HTR6: variants seen among roughly 807,000 people sequenced by gnomAD.
HTR6 encodes the protein 5-hydroxytryptamine (serotonin) receptor 6, G protein-coupled.
In HTR6, 15 loss-of-function variants were observed where a neutral mutation model predicts 17.4. The observed-to-expected ratio is 0.86, with a 90% confidence interval of 0.58 to 1.33. The LOEUF (loss-of-function observed/expected upper bound fraction) is 1.33. HTR6 is among the 40% of genes most tolerant of loss of function. The pLI, the probability that HTR6 is intolerant of heterozygous loss-of-function variation, is 0.00. For synonymous variants in HTR6, 326 were observed against 295.5 expected (o/e 1.10, Z -1.06); for missense variants, 578 against 616.0 (o/e 0.94, Z 0.65).
rs1433269811 is a variant in HTR6 at position 19,680,733 on chromosome 1, C to A, written c.*1365C>A. Among the ~76,000 whole-genome samples, 1 of 152,132 alleles carries A rather than the reference C, an allele frequency of 6.6e-6. No homozygotes were observed. The highest frequency in any genetic ancestry group is 1.5e-5 in the Non-Finnish European group (1 of 68,020). ...TTTCTGGGGGCAGGGGGTTGGGGAACTCTTGGTCGCCAGTTTACCTGCCAT... is the reference window on the plus strand; with the variant it reads ...TTTCTGGGGGCAGGGGGTTGGGGAAATCTTGGTCGCCAGTTTACCTGCCAT... On this transcript the variant is annotated 3_prime_UTR_variant, in exon 3 of 3. Transcript: ENST00000289753.
Position 19,678,738 on chromosome 1 carries a change from C to G in HTR6, c.873+13C>G. ...CAACATAGTCCAGGTAATGCCACGG[C>G]AGGGGGCAGGTGAGTCCGGCCCTTG... On this transcript the variant is annotated intron_variant, in intron 2 of 2. Transcript: ENST00000289753. 1 of 1,602,940 alleles carries G rather than the reference C, an allele frequency of 6.2e-7. No individual in the cohort carries two copies. Among genetic ancestry groups the G allele is most frequent in the Non-Finnish European group, 8.5e-7 (1 of 1,171,670 alleles).
chr1:19,665,898 G>A lies in HTR6; in HGVS notation c.145G>A (p.Ala49Thr), dbSNP rs1394622790. 1 of 1,611,532 alleles carries A rather than the reference G, an allele frequency of 6.2e-7. No individual in the cohort carries two copies. Among genetic ancestry groups the A allele is most frequent in the Admixed American group, 1.7e-5 (1 of 59,848 alleles). ...LTAAANSLLI[A>T]LICTQPALRN... ...GGCGGCGGCCAACTCGCTGCTGATC[G>A]CGCTCATCTGCACTCAGCCCGCGCT... Residue 49 changes from alanine to threonine, a missense_variant, in exon 1 of 3, where the codon GCG (alanine) becomes ACG (threonine). Coordinates refer to ENST00000289753, the MANE Select transcript of HTR6 (RefSeq NM_000871.3). The surrounding 1 kb of genome is among the most constrained non-coding windows in gnomAD (Gnocchi z 4.2).
In HTR6 at chr1:19,679,682, A is replaced by C; in HGVS notation, c.*314A>C. The C allele has an allele frequency of 2.9e-6, 1 of 349,406 alleles. No homozygotes were observed. Among genetic ancestry groups the C allele is most frequent in the Non-Finnish European group, 5.2e-6 (1 of 192,942 alleles). The allele number at this position is 349,406 out of a possible 1,614,324, so 21.6% of individuals were successfully genotyped here. On this transcript the variant is annotated 3_prime_UTR_variant, in exon 3 of 3. Coordinates refer to ENST00000289753, the MANE Select transcript of HTR6 (RefSeq NM_000871.3). The surrounding 1 kb of genome is among the most constrained non-coding windows in gnomAD (Gnocchi z 4.9). The stretch of plus-strand genomic sequence containing the variant: ...GGTTCAGGTTAGGATGAAAACAATC[A>C]TGACCTTTGCCCATTCTGTCAGGCT...
chr1:19,668,533 T>G (rs2095084288), intron 1 of HTR6, among the ~76,000 whole-genome samples: 1 of 152,192 alleles, frequency 6.6e-6, no homozygotes, highest in South Asian at 2.1e-4. Context: ...TGCGGATATC[T>G]TCCTTAATGC....
chr1:19,665,619 A>T lies in HTR6; in HGVS notation c.-135A>T. The T allele has an allele frequency of 1.6e-6, 1 of 617,500 alleles. No homozygotes were observed. Among genetic ancestry groups the T allele is most frequent in the Non-Finnish European group, 2.7e-6 (1 of 364,636 alleles). 38.3% of individuals were successfully genotyped at this position (617,500 alleles called of 1,614,324 possible). ...CCAGCGCCCCCGCCCATGTCCCCCC[A>T]CTCACCTCCCCCGGGGGGCGTGGTG... On this transcript the variant is annotated 5_prime_UTR_variant, in exon 1 of 3. Transcript: ENST00000289753. The surrounding 1 kb of genome is among the most constrained non-coding windows in gnomAD (Gnocchi z 4.2).
chr1:19,679,168 C>A lies in HTR6; in HGVS notation c.1123C>A (p.Pro375Thr), dbSNP rs8192533. The A allele has an allele frequency of 2.3e-3, 3,747 of 1,595,050 alleles. 10 individuals carry two copies. The highest frequency in any genetic ancestry group is 2.8e-3 in the Non-Finnish European group (3,330 of 1,172,970). ...SLQQVLPLPL[P>T]PDSDSDSDAG... The stretch of plus-strand genomic sequence containing the variant: ...ACAGCAGGTGCTGCCGCTGCCCCTG[C>A]CGCCGGACTCAGATTCGGACTCAGA... The change falls in exon 3 of 3, where the codon CCG (proline) becomes ACG (threonine). Residue 375 changes from proline (P) to threonine (T), a missense_variant. Physicochemically the swap from Pro to Thr is conservative, Grantham distance 38. Transcript: ENST00000289753. The surrounding 1 kb of genome is among the most constrained non-coding windows in gnomAD (Gnocchi z 4.9).
In HTR6 at chr1:19,679,178, C is replaced by G; in HGVS notation, c.1133C>G (p.Ser378Ter). 6.3e-7 allele frequency: 1 copy of G among 1,589,216 alleles called. No homozygotes were observed. The highest frequency in any genetic ancestry group is 8.5e-7 in the Non-Finnish European group (1 of 1,170,074). Residue 378 changes from serine to a stop codon, truncating the protein, a stop_gained, in exon 3 of 3, where the codon TCA becomes TGA. Coordinates refer to ENST00000289753, the MANE Select transcript of HTR6 (RefSeq NM_000871.3). LOFTEE classifies it low-confidence loss of function (END_TRUNC). This position sits in a 1 kb window ranked among gnomAD's most constrained non-coding sequence, Gnocchi z 4.9. ...QVLPLPLPPD[S>*]DSDSDAGSGG... ...CTGCCGCTGCCCCTGCCGCCGGACT[C>G]AGATTCGGACTCAGACGCAGGCTCA...
At chr1:19,670,467 C>CT (rs34145209) in intron 1 of HTR6, among the ~76,000 whole-genome samples, 11,684 of 137,598 alleles carry the variant, frequency 0.085, 859 homozygotes, top group African/African-American at 0.19. Flanking sequence ...GTTTTTCTGC[C>CT]TTTTTTTTTT....
In HTR6 at chr1:19,669,928, G is replaced by T. The variant is rs753346633; in HGVS notation, c.714+3461G>T. On this transcript the variant is annotated intron_variant, in intron 1 of 2. Coordinates refer to ENST00000289753, the MANE Select transcript of HTR6 (RefSeq NM_000871.3). ...TGGGATTACAGGCGTGAGCCACTGC[G>T]CCTGGCCCTGACTTCCTGATTCCGC... 1.3e-5 allele frequency among the ~76,000 whole-genome samples: 2 copies of T among 151,888 alleles called. 1 individual carries two copies. Among genetic ancestry groups the T allele is most frequent in the South Asian group, 4.2e-4 (2 of 4,808 alleles).
At chr1:19,667,063 C>T (rs1176931141) in intron 1 of HTR6, among the ~76,000 whole-genome samples, 2 of 152,138 alleles carry the variant, frequency 1.3e-5, no homozygotes, top group East Asian at 3.9e-4. Flanking sequence ...AGGATCTGGC[C>T]TCAGGATCCC....
intron 1 of HTR6, among the ~76,000 whole-genome samples, chr1:19,668,163 T>C (rs2095083823): frequency 6.6e-6 from 1 of 152,196 alleles, no homozygotes; most frequent in Admixed American, 6.5e-5. Flanking sequence ...TCTTGAGTCT[T>C]GGCAGGTGGC....
rs2095101250 is a variant in HTR6 at position 19,680,713 on chromosome 1, G to T, written c.*1345G>T. 6.6e-6 allele frequency among the ~76,000 whole-genome samples: 1 copy of T among 152,164 alleles called. No individual in the cohort carries two copies. The highest frequency in any genetic ancestry group is 2.1e-4 in the South Asian group (1 of 4,826). Reference sequence around the variant, plus strand: ...CTCTGGCACAGGGGCCTTGGTTTCTGGGGGCAGGGGGTTGGGGAACTCTTG... The same window carrying T: ...CTCTGGCACAGGGGCCTTGGTTTCTTGGGGCAGGGGGTTGGGGAACTCTTG... On this transcript the variant is annotated 3_prime_UTR_variant, in exon 3 of 3. Transcript: ENST00000289753.
chr1:19,679,218 C>T lies in HTR6; in HGVS notation c.1173C>T (p.Gly391=). The change falls in exon 3 of 3, where the codon GGC becomes GGT. Residue 391 remains glycine, a synonymous_variant. Transcript: ENST00000289753. This position sits in a 1 kb window ranked among gnomAD's most constrained non-coding sequence, Gnocchi z 4.9. ...DSDAGSGGSS[G]LRLTAQLLLP... is the part of the protein sequence containing the mutation. ...ACGCAGGCTCAGGCGGCTCCTCGGG[C>T]CTGCGGCTCACGGCCCAGCTGCTGC... is the stretch of plus-strand genomic sequence containing the variant. 1.3e-6 allele frequency: 2 copies of T among 1,569,440 alleles called. No individual in the cohort carries two copies. The highest frequency in any genetic ancestry group is 1.2e-5 in the South Asian group (1 of 86,918).
At chr1:19,672,351 A>G (rs2095089232) in intron 1 of HTR6, among the ~76,000 whole-genome samples, 1 of 150,608 alleles carries the variant, frequency 6.6e-6, no homozygotes, top group South Asian at 2.1e-4. Context: ...CTCTCACCCA[A>G]CTAAGCGTCA....
chr1:19,672,597 C>T (rs2095089550), intron 1 of HTR6, among the ~76,000 whole-genome samples: 1 of 152,158 alleles, frequency 6.6e-6, no homozygotes, highest in South Asian at 2.1e-4. Flanking sequence ...TCAAGCCCTG[C>T]CTCTTTTGCC....
chr1:19,678,989 T>C lies in HTR6; in HGVS notation c.944T>C (p.Met315Thr), dbSNP rs147951408. 1.9e-6 allele frequency: 3 copies of C among 1,614,000 alleles called. No individual in the cohort carries two copies. Among genetic ancestry groups the C allele is most frequent in the African/African-American group, 2.7e-5 (2 of 74,924 alleles). Reference sequence around the variant, plus strand: ...TGGCTGGGTTACTGTAACAGCACCATGAACCCCATCATCTACCCACTCTTC... The same window carrying C: ...TGGCTGGGTTACTGTAACAGCACCACGAACCCCATCATCTACCCACTCTTC... ...LTWLGYCNST[M>T]NPIIYPLFMR... is the part of the protein sequence containing the mutation. The change falls in exon 3 of 3, where the codon ATG becomes ACG. Residue 315 changes from methionine (M) to threonine (T), a missense_variant. Transcript: ENST00000289753.
chr1:19,674,804 G>T (rs775278738), intron 1 of HTR6, among the ~76,000 whole-genome samples: 1 of 152,246 alleles, frequency 6.6e-6, no homozygotes, highest in African/African-American at 2.4e-5. Context: ...GAAGCGTGCA[G>T]ACATGAATGT....
At position 19,665,842 on chromosome 1, in the gene HTR6, C is replaced by A. The variant is rs774194160; in HGVS notation, c.89C>A (p.Ala30Glu). ...PSAPGGSGWV[A>E]AALCVVIALT... is the part of the protein sequence containing the mutation. Reference sequence around the variant, plus strand: ...GCCCCGGGGGGCAGCGGCTGGGTGGCGGCCGCGCTGTGCGTGGTCATCGCG... The same window carrying A: ...GCCCCGGGGGGCAGCGGCTGGGTGGAGGCCGCGCTGTGCGTGGTCATCGCG... The change falls in exon 1 of 3, where the codon GCG becomes GAG. Residue 30 changes from alanine to glutamate, a missense_variant. Physicochemically the swap from Ala to Glu is moderately radical, Grantham distance 107. Coordinates refer to ENST00000289753, the MANE Select transcript of HTR6 (RefSeq NM_000871.3). This position sits in a 1 kb window ranked among gnomAD's most constrained non-coding sequence, Gnocchi z 4.2. 3.2e-6 allele frequency: 5 copies of A among 1,573,464 alleles called. No homozygotes were observed. Among genetic ancestry groups the A allele is most frequent in the Non-Finnish European group, 4.3e-6 (5 of 1,160,240 alleles).
At chr1:19,677,735 G>A (rs2095096095) in intron 1 of HTR6, among the ~76,000 whole-genome samples, 3 of 152,108 alleles carry the variant, frequency 2.0e-5, no homozygotes, top group Admixed American at 2.0e-4. Context: ...AATTGCAATT[G>A]ATTTTGTGTG....
Sources: gnomAD v4.1 joint callset for allele counts (sites outside exome capture counted in the v4.1 genomes callset) on GRCh38, gnomAD v4.1.1 for gene constraint, Gnocchi (gnomAD v3.1) non-coding constraint, MANE v1.5 for transcripts, NCBI Gene and HGNC (gene_info 2026-07-23, HGNC 2026-07-21) for gene names.